The following NCAM2 variants were observed in gnomAD, a reference collection of about 807,000 sequenced individuals.
NCAM2 encodes the protein N-CAM-2.
NCAM2 carries 30 observed loss-of-function variants against 98.1 expected under a neutral mutation model. The observed-to-expected ratio is 0.31, with a 90% confidence interval of 0.23 to 0.41. The LOEUF is 0.41. NCAM2 is among the 10% of genes least tolerant of loss of function. The probability of loss-of-function intolerance (pLI) is 1.00; values close to 1 mark genes in which losing one functional copy is unlikely to be tolerated. For missense variants in NCAM2, 867 were observed against 1,005.8 expected, an observed-to-expected ratio of 0.86 and a Z score of 1.87; for synonymous variants, 368 against 342.4, an observed-to-expected ratio of 1.07 and a Z score of -0.83.
At chr21:21,090,235 GCTGA>G (rs1368746123) in intron 1 of NCAM2, among the ~76,000 whole-genome samples, 1 of 152,062 alleles carries the variant, frequency 6.6e-6, no homozygotes, top group Admixed American at 6.5e-5. Flanking sequence ...TGTCAGATAT[GCTGA>G]CTTTTTAAAA....
chr21:21,384,461 C>T (rs1358566266), intron 9 of NCAM2, among the ~76,000 whole-genome samples: 2 of 151,688 alleles, frequency 1.3e-5, no homozygotes, highest in African/African-American at 4.8e-5. Flanking sequence ...TACATACATT[C>T]CTGAAAATTT....
intron 1 of NCAM2, among the ~76,000 whole-genome samples, chr21:21,120,333 T>C (rs1398159136): frequency 6.6e-6 from 1 of 152,084 alleles, no homozygotes; most frequent in Non-Finnish European, 1.5e-5. Flanking sequence ...CTGTTGGCAG[T>C]TGTTATATCA....
intron 1 of NCAM2, among the ~76,000 whole-genome samples, chr21:21,033,626 A>G (rs544373318): frequency 8.3e-4 from 126 of 152,240 alleles, no homozygotes; most frequent in African/African-American, 2.1e-3. Context: ...TCACAGGGTC[A>G]GGGACAGTAA....
intron 12 of NCAM2, among the ~76,000 whole-genome samples, chr21:21,434,706 G>A (rs1239837048): frequency 6.6e-6 from 1 of 152,100 alleles, no homozygotes; most frequent in Non-Finnish European, 1.5e-5. Context: ...TTGGTATAGT[G>A]GTGAGCATCG....
At chr21:21,201,291 G>A (rs186138399) in intron 1 of NCAM2, among the ~76,000 whole-genome samples, 4 of 152,250 alleles carry the variant, frequency 2.6e-5, no homozygotes, top group Admixed American at 6.5e-5. Context: ...CTAAAGCAGT[G>A]CAATTCCCCA....
At chr21:21,152,435 T>C (rs1056331257) in intron 1 of NCAM2, among the ~76,000 whole-genome samples, 5 of 152,030 alleles carry the variant, frequency 3.3e-5, no homozygotes, top group Non-Finnish European at 7.4e-5. Flanking sequence ...AGTAGTCTAC[T>C]GTTTTTTGTT....
At chr21:21,005,074 G>T (rs2064087084) in intron 1 of NCAM2, among the ~76,000 whole-genome samples, 1 of 152,218 alleles carries the variant, frequency 6.6e-6, no homozygotes, top group Non-Finnish European at 1.5e-5. Context: ...GTTTGGAAAG[G>T]TGAGCCTCTG....
At chr21:21,087,094 G>A (rs1467388735) in intron 1 of NCAM2, among the ~76,000 whole-genome samples, 2 of 151,984 alleles carry the variant, frequency 1.3e-5, no homozygotes, top group Non-Finnish European at 2.9e-5. Flanking sequence ...GTGTGTGTGT[G>A]TGTTGTGTGT....
At chr21:21,051,775 T>C (rs1009198085) in intron 1 of NCAM2, among the ~76,000 whole-genome samples, 4 of 152,226 alleles carry the variant, frequency 2.6e-5, no homozygotes, top group Admixed American at 2.6e-4. Flanking sequence ...TGGAGTCTCA[T>C]ACAATTGTAG....
intron 12 of NCAM2, among the ~76,000 whole-genome samples, chr21:21,444,141 A>C (rs975018978): frequency 1.3e-5 from 2 of 152,016 alleles, no homozygotes; most frequent in Non-Finnish European, 2.9e-5. Context: ...ACGTTTATTG[A>C]TTTGTGTATG....
At chr21:21,436,155 T>C (rs2146051792) in intron 12 of NCAM2, among the ~76,000 whole-genome samples, 1 of 152,364 alleles carries the variant, frequency 6.6e-6, no homozygotes, top group East Asian at 1.9e-4. Context: ...ATATTTACTG[T>C]AAATTGACAG....
At chr21:21,495,646 T>G (rs893541883) in intron 15 of NCAM2, among the ~76,000 whole-genome samples, 17 of 152,024 alleles carry the variant, frequency 1.1e-4, no homozygotes, top group African/African-American at 4.1e-4. Context: ...CCTTCACCAC[T>G]AAAATTCCAA....
At chr21:21,241,901 G>T (rs1358084728) in intron 1 of NCAM2, among the ~76,000 whole-genome samples, 1 of 152,056 alleles carries the variant, frequency 6.6e-6, no homozygotes, top group Non-Finnish European at 1.5e-5. Flanking sequence ...AAAAAATATT[G>T]CTCATTATAA....
At chr21:21,220,053 A>C (rs1470164668) in intron 1 of NCAM2, among the ~76,000 whole-genome samples, 4 of 100,706 alleles carry the variant, frequency 4.0e-5, no homozygotes, top group African/African-American at 1.5e-4. Context: ...TACGAAAGTC[A>C]AAAAGTTAAA....
chr21:21,456,406 A>G (rs1056828832), intron 12 of NCAM2, among the ~76,000 whole-genome samples: 9 of 152,136 alleles, frequency 5.9e-5, no homozygotes, highest in African/African-American at 2.2e-4. Context: ...TGTGAACTAT[A>G]AGGAAAATGC....
intron 12 of NCAM2, among the ~76,000 whole-genome samples, chr21:21,438,617 G>A (rs978733016): frequency 6.6e-6 from 1 of 152,172 alleles, no homozygotes; most frequent in Non-Finnish European, 1.5e-5. Flanking sequence ...TATCACAGCT[G>A]TAGCAAGACT....
intron 16 of NCAM2, among the ~76,000 whole-genome samples, chr21:21,511,850 G>A (rs746987901): frequency 6.6e-6 from 1 of 151,902 alleles, no homozygotes; most frequent in Non-Finnish European, 1.5e-5. Flanking sequence ...TGATGATGAT[G>A]CTGAGCATTT....
chr21:21,210,603 T>C lies in NCAM2; in HGVS notation c.56-69975T>C, dbSNP rs1470769946. 4.7e-6 allele frequency: 6 copies of C among 1,288,934 alleles called. No individual in the cohort carries two copies. In the South Asian group the frequency reaches 7.4e-5, roughly 16 times the overall value. 79.8% of individuals were successfully genotyped at this position (1,288,934 alleles called of 1,614,324 possible). A position where few individuals can be genotyped will look rare whatever the true frequency, so the allele number is the denominator to read the frequency against. Reference sequence around the variant, plus strand: ...CAGGAGGACAAGTTTACCTTGATTATCACAACAGGCAAGGTCTCTTTGTTG... The same window carrying C: ...CAGGAGGACAAGTTTACCTTGATTACCACAACAGGCAAGGTCTCTTTGTTG... On this transcript the variant is annotated intron_variant, in intron 1 of 17. Transcript: ENST00000400546.
chr21:21,141,134 C>T (rs1476778258), intron 1 of NCAM2, among the ~76,000 whole-genome samples: 1 of 152,164 alleles, frequency 6.6e-6, no homozygotes, highest in East Asian at 1.9e-4. Context: ...AGACATAACA[C>T]TTCATAATTT....
Sources: allele counts gnomAD v4.1 joint callset (sites outside exome capture counted in the v4.1 genomes callset), GRCh38; gene constraint gnomAD v4.1.1; transcripts MANE v1.5; gene names NCBI Gene and HGNC (gene_info 2026-07-23, HGNC 2026-07-21).